Variants in SLC25A12 observed in about 807,000 individuals in gnomAD.
SLC25A12 encodes the protein solute carrier family 25 member 12.
In SLC25A12, 32 loss-of-function variants were observed where a neutral mutation model predicts 83.3. The ratio of observed to expected loss-of-function variants is 0.38; its 90% confidence interval spans 0.29 to 0.52. The LOEUF is 0.52. Among genes scored for constraint, SLC25A12 ranks in the 20% least tolerant of loss-of-function variants. The probability of loss-of-function intolerance (pLI) is 0.84; values close to 1 mark genes in which losing one functional copy is unlikely to be tolerated. For synonymous variants in SLC25A12, 267 were observed against 291.1 expected (o/e 0.92, Z 0.84); for missense variants, 611 against 835.6 (o/e 0.73, Z 3.31).
At chr2:171,787,441 T>C (rs1270113250) in intron 17 of SLC25A12, 130 bp downstream of exon 17, 2 of 811,982 alleles carry the variant, frequency 2.5e-6, no homozygotes, top group Non-Finnish European at 4.4e-6. Context: ...CTCACTGTTT[T>C]AAATGCATTG....
At chr2:171,861,874 G>A (rs953210926) in intron 3 of SLC25A12, among the ~76,000 whole-genome samples, 9 of 152,136 alleles carry the variant, frequency 5.9e-5, no homozygotes, top group African/African-American at 2.2e-4. Context: ...CCTTGTAATG[G>A]GGATAAGGAG....
At chr2:171,833,920 C>T (rs775992684) in intron 8 of SLC25A12, 43 bp downstream of exon 8, 3 of 1,179,910 alleles carry the variant, frequency 2.5e-6, no homozygotes, top group Non-Finnish European at 3.8e-6. Flanking sequence ...CATTTTAGAA[C>T]TACTCTATAA....
chr2:171,825,072 T>C (rs1271886402), intron 9 of SLC25A12, among the ~76,000 whole-genome samples: 3 of 151,926 alleles, frequency 2.0e-5, no homozygotes, highest in African/African-American at 7.3e-5. Flanking sequence ...GGCTCCCAAA[T>C]TGCTGGCATT....
rs543290698 is a variant in SLC25A12 at position 171,817,377 on chromosome 2, G to A, written c.931-2175C>T. Among the ~76,000 whole-genome samples, 3 of 152,064 alleles carry A rather than the reference G, an allele frequency of 2.0e-5. No individual in the cohort carries two copies. In the East Asian group the frequency reaches 5.8e-4, roughly 29 times the overall value. On this transcript the variant is annotated intron_variant, in intron 9 of 17. Transcript: ENST00000422440. ...AGCATTTTGGGAGGCCAAGGTGGGC[G>A]GATCACTTGAGTTCAGGAGTTCAAG... is the stretch of plus-strand genomic sequence containing the variant.
At chr2:171,877,663 C>T (rs1435511749) in intron 2 of SLC25A12, among the ~76,000 whole-genome samples, 1 of 141,618 alleles carries the variant, frequency 7.1e-6, no homozygotes, top group East Asian at 2.4e-4. Context: ...GAAGAAGACT[C>T]CATCCCAGGA....
chr2:171,867,459 C>T (rs1261667443), intron 3 of SLC25A12, among the ~76,000 whole-genome samples: 1 of 152,104 alleles, frequency 6.6e-6, no homozygotes, highest in South Asian at 2.1e-4. Flanking sequence ...AGCGAAACCC[C>T]GTCTCCACCA....
chr2:171,785,188 A>T lies in SLC25A12; in HGVS notation c.*86T>A, dbSNP rs1690464105. On this transcript the variant is annotated 3_prime_UTR_variant, in exon 18 of 18. Transcript: ENST00000422440. Reference sequence around the variant, plus strand: ...TTGACTCCTCAGCTCAGTCAGTACCATGCAGCTGACTGGATACATTACAGG... The same window carrying T: ...TTGACTCCTCAGCTCAGTCAGTACCTTGCAGCTGACTGGATACATTACAGG... 2.5e-6 allele frequency: 3 copies of T among 1,216,368 alleles called. No individual in the cohort carries two copies. The highest frequency in any genetic ancestry group is 3.6e-6 in the Non-Finnish European group (3 of 823,478). 75.3% of individuals were successfully genotyped at this position (1,216,368 alleles called of 1,614,324 possible). A position where few individuals can be genotyped will look rare whatever the true frequency, so the allele number is the denominator to read the frequency against.
intron 4 of SLC25A12, 50 bp from the exon 5 acceptor site, chr2:171,844,558 T>A: frequency 7.9e-7 from 1 of 1,267,570 alleles, no homozygotes; most frequent in Non-Finnish European, 1.1e-6. Context: ...ATAAGTAGTT[T>A]AAACCACTGC....
In SLC25A12 at chr2:171,868,683, A is replaced by G; in HGVS notation, c.207T>C (p.Asp69=). 1 of 1,613,596 alleles carries G rather than the reference A, an allele frequency of 6.2e-7. No homozygotes were observed. The highest frequency in any genetic ancestry group is 8.5e-7 in the Non-Finnish European group (1 of 1,179,636). ...AGAAAATGCATGAAGATACTTACCC[A>G]TCCTTGGTTTGATCAGCTACTCCTG... ...LLAGVADQTK[D]GLISYQEFLA... The change falls in exon 3 of 18, where the codon GAT becomes GAC. Residue 69 remains aspartate, a splice_region_variant and synonymous_variant. Coordinates refer to ENST00000422440, the MANE Select transcript of SLC25A12 (RefSeq NM_003705.5).
At chr2:171,851,906 T>C (rs1266260818) in intron 4 of SLC25A12, among the ~76,000 whole-genome samples, 5 of 152,158 alleles carry the variant, frequency 3.3e-5, no homozygotes, top group African/African-American at 1.2e-4. Flanking sequence ...CTTATCTAGG[T>C]TACCTGAATC....
intron 2 of SLC25A12, among the ~76,000 whole-genome samples, chr2:171,882,159 T>A (rs1685707650): frequency 6.6e-6 from 1 of 152,206 alleles, no homozygotes; most frequent in South Asian, 2.1e-4. Flanking sequence ...ATCCCTTATA[T>A]GCTATACATA....
chr2:171,893,860 T>G (rs1320428808), intron 1 of SLC25A12, among the ~76,000 whole-genome samples: 7 of 151,994 alleles, frequency 4.6e-5, no homozygotes, highest in African/African-American at 1.7e-4. Context: ...ACCCTAGGTA[T>G]CCCCAGCTTT....
Position 171,840,964 on chromosome 2 carries a change from C to G in SLC25A12, c.465+3405G>C, listed in dbSNP as rs377277856. ...AATGGCACTGTGGCAACACTGGAAA[C>G]TAGAAAACAAAAGAGCAATGCTTTC... On this transcript the variant is annotated intron_variant, in intron 5 of 17. Coordinates refer to ENST00000422440, the MANE Select transcript of SLC25A12 (RefSeq NM_003705.5). Among the ~76,000 whole-genome samples, 10 of 152,230 alleles carry G rather than the reference C, an allele frequency of 6.6e-5. No individual in the cohort carries two copies. The East Asian group carries it at 1.9e-3, about 29-fold the overall frequency.
At chr2:171,844,236 C>G in intron 5 of SLC25A12, 133 bp downstream of exon 5, 1 of 872,254 alleles carries the variant, frequency 1.1e-6, no homozygotes, top group Admixed American at 2.4e-5. Context: ...TTGTCTCTGG[C>G]GAGGGGGAAA....
At chr2:171,787,971 A>G in intron 15 of SLC25A12, 24 bp from the exon 16 acceptor site, 1 of 1,613,174 alleles carries the variant, frequency 6.2e-7, no homozygotes, top group South Asian at 1.1e-5. Context: ...ACCACATTTA[A>G]TTTATCTAGA....
chr2:171,832,741 G>A (rs1337847247), intron 8 of SLC25A12, among the ~76,000 whole-genome samples: 1 of 152,200 alleles, frequency 6.6e-6, no homozygotes, highest in Non-Finnish European at 1.5e-5. Context: ...CAGCTTGGAA[G>A]ACACTGCCCA....
In SLC25A12 at chr2:171,787,781, C is replaced by G. The variant is rs756465676; in HGVS notation, c.1744+8G>C. ...CAGCCATTCTGTATGGCTCCAGCCC[C>G]TGCCTACCTGCAGTCCCTTTCCAAA... On this transcript the variant is annotated splice_region_variant and intron_variant, in intron 16 of 17. Transcript: ENST00000422440. 7 of 1,614,202 alleles carry G rather than the reference C, an allele frequency of 4.3e-6. No individual in the cohort carries two copies. The South Asian group carries it at 7.7e-5, about 18-fold the overall frequency.
chr2:171,890,787 T>C (rs542535009), intron 2 of SLC25A12, among the ~76,000 whole-genome samples: 1 of 152,210 alleles, frequency 6.6e-6, no homozygotes, highest in Non-Finnish European at 1.5e-5. Context: ...TCAGCCTATA[T>C]TGTTATCTTT....
intron 5 of SLC25A12, 107 bp from the exon 6 acceptor site, chr2:171,837,374 C>A: frequency 8.7e-7 from 1 of 1,144,332 alleles, no homozygotes; most frequent in Non-Finnish European, 1.3e-6. Context: ...GTACTTACTA[C>A]AAAACAAACA....
Sources: allele counts gnomAD v4.1 joint callset (sites outside exome capture counted in the v4.1 genomes callset), GRCh38; gene constraint gnomAD v4.1.1; transcripts MANE v1.5; gene names NCBI Gene and HGNC (gene_info 2026-07-23, HGNC 2026-07-21).